The following MAPT variants were observed in gnomAD, a reference collection of about 807,000 sequenced individuals.
MAPT encodes microtubule-associated protein tau.
In MAPT, 34 loss-of-function variants were observed where a neutral mutation model predicts 67.9. That is an observed-to-expected ratio of 0.50 (90% CI 0.38 to 0.67). The LOEUF is 0.67. Among genes scored for constraint, MAPT ranks in the 30% least tolerant of loss-of-function variants. MAPT has a pLI of 0.00. For missense variants in MAPT, 881 were observed against 1,115.2 expected (o/e 0.79, Z 2.99); for synonymous variants, 456 against 464.5 (o/e 0.98, Z 0.23).
intron 1 of MAPT, among the ~76,000 whole-genome samples, chr17:45,950,321 A>G (rs2068934703): frequency 6.6e-6 from 1 of 152,118 alleles, no homozygotes; most frequent in Non-Finnish European, 1.5e-5. Flanking sequence ...CCACCCCACA[A>G]CACCTCAGGG....
chr17:45,952,165 A>G (rs766556845), intron 1 of MAPT, among the ~76,000 whole-genome samples: 25 of 152,276 alleles, frequency 1.6e-4, no homozygotes, highest in Non-Finnish European at 2.2e-4. Context: ...TCAATTCACT[A>G]TCTTTGCATG....
intron 3 of MAPT, chr17:45,974,546 A>G: frequency 8.3e-7 from 1 of 1,210,370 alleles, no homozygotes; most frequent in South Asian, 1.3e-5. Context: ...GACAGAAGTG[A>G]GGGAGCTTTG....
intron 1 of MAPT, among the ~76,000 whole-genome samples, chr17:45,911,547 G>T (rs2064791744): frequency 6.6e-6 from 1 of 152,244 alleles, no homozygotes. Flanking sequence ...GATCACTTGA[G>T]GCCAGGAGTC....
intron 1 of MAPT, among the ~76,000 whole-genome samples, chr17:45,947,551 C>G (rs1479874160): frequency 6.6e-6 from 1 of 151,960 alleles, no homozygotes; most frequent in Non-Finnish European, 1.5e-5. Flanking sequence ...CCACACCCAG[C>G]TAATTTTTGT....
At chr17:45,908,831 A>G (rs2064525935) in intron 1 of MAPT, among the ~76,000 whole-genome samples, 1 of 152,160 alleles carries the variant, frequency 6.6e-6, no homozygotes. Context: ...ACCAGCTACA[A>G]AGTGAAGATA....
Position 45,971,829 on chromosome 17 carries a change from C to G in MAPT, c.134-30C>G, listed in dbSNP as rs747657686. ...AAAGGGGGCGCTGGGGAGAGGCCAC[C>G]GTTCTGAGGGCTCACTGTATGTGTT... On this transcript the variant is annotated intron_variant, in intron 2 of 12. Transcript: ENST00000262410. The surrounding 1 kb of genome is among the most constrained non-coding windows in gnomAD (Gnocchi z 4.3). 1.3e-6 allele frequency: 2 copies of G among 1,515,322 alleles called. No individual in the cohort carries two copies. The highest frequency in any genetic ancestry group is 1.8e-6 in the Non-Finnish European group (2 of 1,089,892). The allele number at this position is 1,515,322 out of a possible 1,614,324, so 93.9% of individuals were successfully genotyped here.
intron 1 of MAPT, among the ~76,000 whole-genome samples, chr17:45,917,331 A>G (rs990012944): frequency 3.3e-5 from 5 of 152,230 alleles, no homozygotes; most frequent in African/African-American, 4.8e-5. Flanking sequence ...GGGTTGTCTC[A>G]TGCTGATGAC....
chr17:46,022,039 G>A (rs1379638181), intron 12 of MAPT, among the ~76,000 whole-genome samples: 1 of 152,196 alleles, frequency 6.6e-6, no homozygotes, highest in Non-Finnish European at 1.5e-5. Flanking sequence ...ATCAAAGCCT[G>A]TATTAAATGG....
chr17:45,936,133 A>AC (rs1272687158), intron 1 of MAPT, among the ~76,000 whole-genome samples: 1 of 152,120 alleles, frequency 6.6e-6, no homozygotes, highest in African/African-American at 2.4e-5. Flanking sequence ...CTCTGAAATT[A>AC]CCCCTGTGTC....
At chr17:46,006,758 C>T (rs1469761515) in intron 9 of MAPT, among the ~76,000 whole-genome samples, 1 of 150,806 alleles carries the variant, frequency 6.6e-6, no homozygotes, top group African/African-American at 2.4e-5. Context: ...ACTACAAATA[C>T]AAAAAAAAGA....
chr17:46,012,631 C>T (rs1025829282), intron 10 of MAPT, among the ~76,000 whole-genome samples: 2 of 152,128 alleles, frequency 1.3e-5, no homozygotes, highest in African/African-American at 4.8e-5. Flanking sequence ...CCTGGCTGGA[C>T]CCTGGAAGCT....
rs1355299228 is a variant in MAPT at position 46,018,684 on chromosome 17, G to T, written c.2240G>T (p.Gly747Val). ...DFKDRVQSKI[G>V]SLDNITHVPG... ...AAGGACAGAGTCCAGTCGAAGATTGGGTCCCTGGACAATATCACCCACGTC... is the reference window on the plus strand; with the variant it reads ...AAGGACAGAGTCCAGTCGAAGATTGTGTCCCTGGACAATATCACCCACGTC... Residue 747 changes from glycine to valine, a missense_variant, in exon 12 of 13, where the codon GGG becomes GTG. Physicochemically the swap from Gly to Val is moderately radical, Grantham distance 109. This residue lies in a region of MAPT where 79 missense variants were observed against 150.9 expected (regional missense o/e 0.52). Transcript: ENST00000262410. 6.2e-7 allele frequency: 1 copy of T among 1,614,214 alleles called. No homozygotes were observed. The highest frequency in any genetic ancestry group is 1.7e-5 in the Admixed American group (1 of 60,022).
chr17:45,895,092 G>GTGTGTGTGTGT (rs2063082905), intron 1 of MAPT: 4 of 139,738 alleles, frequency 2.9e-5, no homozygotes, highest in African/African-American at 1.2e-4. Context: ...TGTGTGTGTG[G>GTGTGTGTGTGT]AGGGGTCCGA....
chr17:45,981,191 T>C (rs142053316), intron 4 of MAPT, among the ~76,000 whole-genome samples: 8 of 152,230 alleles, frequency 5.3e-5, no homozygotes, highest in Admixed American at 3.3e-4. Context: ...CTCATCCAAA[T>C]CTCTTTCTTT....
chr17:45,952,582 C>A (rs2069193330), intron 1 of MAPT, among the ~76,000 whole-genome samples: 1 of 152,132 alleles, frequency 6.6e-6, no homozygotes, highest in Admixed American at 6.5e-5. Context: ...CCCTGGGGTT[C>A]ATGACCAGCC....
intron 3 of MAPT, chr17:45,977,834 C>A (rs1426679944): frequency 6.4e-6 from 1 of 157,176 alleles, no homozygotes; most frequent in East Asian, 1.8e-4. Flanking sequence ...CACACAAATT[C>A]TCTTACTAAC....
chr17:45,926,565 G>A (rs1047346053), intron 1 of MAPT, among the ~76,000 whole-genome samples: 5 of 152,042 alleles, frequency 3.3e-5, no homozygotes, highest in South Asian at 2.1e-4. Context: ...CTCCCACCTC[G>A]GCCTCCCGAA....
rs756283953 is a variant in MAPT, at chr17:46,014,363, CA to C, written c.2173+40del. 8.4e-6 allele frequency: 12 copies of C among 1,434,360 alleles called. No individual in the cohort carries two copies. In the Admixed American group the frequency reaches 2.0e-4, roughly 24 times the overall value. The allele number at this position is 1,434,360 out of a possible 1,614,324, so 88.9% of individuals were successfully genotyped here. A position where few individuals can be genotyped will look rare whatever the true frequency, so the allele number is the denominator to read the frequency against. ...AGGTGAGGGTTGGGACGGGAGGGTG[CA>C]GGGGGTGGAGGAGTCCTGGTGAGGC... On this transcript the variant is annotated intron_variant, in intron 11 of 12. Coordinates refer to ENST00000262410, the MANE Select transcript of MAPT (RefSeq NM_001377265.1).
intron 1 of MAPT, among the ~76,000 whole-genome samples, chr17:45,954,087 C>A (rs1009028723): frequency 6.6e-6 from 1 of 152,056 alleles, no homozygotes; most frequent in Non-Finnish European, 1.5e-5. Context: ...CCAAAACTGT[C>A]CTTGAGCTAA....
Sources: gnomAD v4.1 joint callset for allele counts (sites outside exome capture counted in the v4.1 genomes callset) on GRCh38, gnomAD v4.1.1 for gene constraint, gnomAD v4.1.1 regional missense constraint, Gnocchi (gnomAD v3.1) non-coding constraint, MANE v1.5 for transcripts, NCBI Gene and HGNC (gene_info 2026-07-23, HGNC 2026-07-21) for gene names.